The following ARFGAP1 variants were observed in gnomAD, a reference collection of about 807,000 sequenced individuals.
The protein encoded by ARFGAP1 is ARF GTPase activating protein 1, also known as ADP-ribosylation factor GTPase-activating protein 1.
A neutral mutation model predicts 54.0 loss-of-function variants in ARFGAP1; 26 were observed. The ratio of observed to expected loss-of-function variants is 0.48; its 90% CI spans 0.35 to 0.67. The LOEUF (loss-of-function observed/expected upper bound fraction) is 0.67. ARFGAP1 is among the 30% of genes least tolerant of loss of function. The pLI is 0.00. For synonymous variants in ARFGAP1, 248 were observed against 211.9 expected (o/e 1.17, Z -1.48); for missense variants, 525 against 535.8 (o/e 0.98, Z 0.20).
Position 63,276,702 on chromosome 20 carries a change from G to T in ARFGAP1, c.342+51G>T. On this transcript the variant is annotated intron_variant, in intron 4 of 12. Coordinates refer to ENST00000370283, the MANE Select transcript of ARFGAP1 (RefSeq NM_018209.4). The surrounding 1 kb of genome is among the most constrained non-coding windows in gnomAD (Gnocchi z 5.2). ...GCCCATGGTGTGGGGCTGCCCTGCCGTTTGTGGCAGCTGGACTGTGGCCTT... is the reference window on the plus strand; with the variant it reads ...GCCCATGGTGTGGGGCTGCCCTGCCTTTTGTGGCAGCTGGACTGTGGCCTT... 1 of 1,542,248 alleles carries T rather than the reference G, an allele frequency of 6.5e-7. No homozygotes were observed. The highest frequency in any genetic ancestry group is 2.3e-5 in the East Asian group (1 of 44,040).
intron 6 of ARFGAP1, 197 bp from the exon 7 acceptor site, chr20:63,278,702 A>T (rs913825033): frequency 1.4e-5 from 8 of 584,682 alleles, no homozygotes; most frequent in South Asian, 2.1e-5. Flanking sequence ...CCCTGTGGTG[A>T]TGTGGCAGGA....
intron 4 of ARFGAP1, 58 bp from the exon 5 acceptor site, chr20:63,277,147 G>A: frequency 6.7e-7 from 1 of 1,494,420 alleles, no homozygotes; most frequent in Non-Finnish European, 9.2e-7. Context: ...AGTCGACGGT[G>A]CCCGAGGGCA....
intron 1 of ARFGAP1, among the ~76,000 whole-genome samples, chr20:63,275,122 G>A (rs375441014): frequency 4.6e-5 from 7 of 152,230 alleles, no homozygotes; most frequent in South Asian, 2.1e-4. Context: ...AGGGTGGAGC[G>A]CAGAGTCCCT....
chr20:63,277,289 C>T lies in ARFGAP1; in HGVS notation c.427C>T (p.Pro143Ser), dbSNP rs756677561. The change falls in exon 5 of 13, where the codon CCG becomes TCG. Residue 143 changes from proline (P) to serine (S), a missense_variant. Pro to Ser is a moderately conservative substitution (Grantham distance 74, BLOSUM62 -1). Coordinates refer to ENST00000370283, the MANE Select transcript of ARFGAP1 (RefSeq NM_018209.4). ...GACCCCACCTCAGCCCAGGACGCTG[C>T]CGTCCATGGTGCACCGGTAGCTGCT... ...NWTPPQPRTL[P>S]SMVHRVSGQP... The T allele has an allele frequency of 1.5e-4, 234 of 1,612,548 alleles. No homozygotes were observed. The highest frequency in any genetic ancestry group is 1.9e-4 in the Non-Finnish European group (228 of 1,179,858).
Position 63,287,768 on chromosome 20 carries a change from C to CAACAGG in ARFGAP1, c.1122_1127dup (p.Arg374_Asn375dup). ...GGGAGGTGTGGGGCTCGGCCTCCAC[C>CAACAGG]AACAGGAACAGCAACAGCGACGGCG... is the stretch of plus-strand genomic sequence containing the variant. On this transcript the variant is annotated inframe_insertion, in exon 13 of 13. Transcript: ENST00000370283. 2 of 1,599,902 alleles carry CAACAGG rather than the reference C, an allele frequency of 1.3e-6. No homozygotes were observed. Among genetic ancestry groups the CAACAGG allele is most frequent in the South Asian group, 2.2e-5 (2 of 90,328 alleles).
rs775378743 is a variant in ARFGAP1 at position 63,275,657 on chromosome 20, C to T, written c.60+17C>T. 13 of 1,611,326 alleles carry T rather than the reference C, an allele frequency of 8.1e-6. No homozygotes were observed. Among genetic ancestry groups the T allele is most frequent in the Non-Finnish European group, 1.1e-5 (13 of 1,177,890 alleles). On this transcript the variant is annotated intron_variant, in intron 2 of 12. Transcript: ENST00000370283. ...GAGAACAACGTAAGCCTCTGCCCCC[C>T]ACCCCCCGCCCTAAGGCTTGGTCAG...
chr20:63,276,236 T>C lies in ARFGAP1; in HGVS notation c.170+36T>C, dbSNP rs776534833. 2.1e-5 allele frequency: 33 copies of C among 1,600,382 alleles called. No homozygotes were observed. Among genetic ancestry groups the C allele is most frequent in the Non-Finnish European group, 2.4e-5 (28 of 1,168,548 alleles). On this transcript the variant is annotated intron_variant, in intron 3 of 12. Coordinates refer to ENST00000370283, the MANE Select transcript of ARFGAP1 (RefSeq NM_018209.4). The surrounding 1 kb of genome is among the most constrained non-coding windows in gnomAD (Gnocchi z 5.2). Reference sequence around the variant, plus strand: ...TGCCGCTCTGGCTCTGCGGAGAGCCTGCGGCCACCCCAGCATCTGTTCCTG... The same window carrying C: ...TGCCGCTCTGGCTCTGCGGAGAGCCCGCGGCCACCCCAGCATCTGTTCCTG...
intron 12 of ARFGAP1, among the ~76,000 whole-genome samples, chr20:63,287,214 C>T (rs1568746113): frequency 6.6e-6 from 1 of 152,254 alleles, no homozygotes; most frequent in African/African-American, 2.4e-5. Context: ...GGGCGTCGCT[C>T]GGGAGGGCCT....
rs1008202432 is a variant in ARFGAP1 at position 63,288,645 on chromosome 20, C to T, written c.*772C>T. 7.7e-6 allele frequency: 3 copies of T among 390,276 alleles called. No individual in the cohort carries two copies. The highest frequency in any genetic ancestry group is 3.7e-5 in the South Asian group (2 of 54,758). 24.2% of individuals were successfully genotyped at this position (390,276 alleles called of 1,614,324 possible). A position where few individuals can be genotyped will look rare whatever the true frequency, so the allele number is the denominator to read the frequency against. ...GCCCTGATGCAGGAGGGTGCGATAG[C>T]GGACGTGGCCAGGCAGGAGGGGCCG... On this transcript the variant is annotated 3_prime_UTR_variant, in exon 13 of 13. Coordinates refer to ENST00000370283, the MANE Select transcript of ARFGAP1 (RefSeq NM_018209.4).
rs2067228686 is a variant in ARFGAP1, at chr20:63,276,067, G to A, written c.61-24G>A. ...TGGGCTCTGCCCTGAGCCACCTGGTGAGTCACTTGTGGCCCCTTTGCAGGT... is the reference window on the plus strand; with the variant it reads ...TGGGCTCTGCCCTGAGCCACCTGGTAAGTCACTTGTGGCCCCTTTGCAGGT... On this transcript the variant is annotated intron_variant, in intron 2 of 12. Transcript: ENST00000370283. This position sits in a 1 kb window ranked among gnomAD's most constrained non-coding sequence, Gnocchi z 5.2. 6.2e-7 allele frequency: 1 copy of A among 1,607,314 alleles called. No homozygotes were observed. The highest frequency in any genetic ancestry group is 8.5e-7 in the Non-Finnish European group (1 of 1,174,266).
In ARFGAP1 at chr20:63,277,371, C is replaced by G. The variant is rs186632560; in HGVS notation, c.443+66C>G. The G allele has an allele frequency of 3.5e-5, 48 of 1,360,344 alleles. No individual in the cohort carries two copies. In the African/African-American group the frequency reaches 6.4e-4, roughly 18 times the overall value. 84.3% of individuals were successfully genotyped at this position (1,360,344 alleles called of 1,614,324 possible). The stretch of plus-strand genomic sequence containing the variant: ...GTCCTGAACTTAGTAGATTGGGTTT[C>G]CCACAGAATTCTCCCCTTCTTTGCT... On this transcript the variant is annotated intron_variant, in intron 5 of 12. Coordinates refer to ENST00000370283, the MANE Select transcript of ARFGAP1 (RefSeq NM_018209.4).
chr20:63,282,683 T>C (rs1158104373), intron 8 of ARFGAP1, 136 bp from the exon 9 acceptor site: 9 of 804,602 alleles, frequency 1.1e-5, no homozygotes, highest in East Asian at 5.1e-5. Context: ...CTCAGAGTTA[T>C]AGGGCCCGCC....
At position 63,282,687 on chromosome 20, in the gene ARFGAP1, G is replaced by A. The variant is rs1312051939; in HGVS notation, c.685-132G>A. 7 of 835,362 alleles carry A rather than the reference G, an allele frequency of 8.4e-6. No individual in the cohort carries two copies. The East Asian group carries it at 1.8e-4, about 21-fold the overall frequency. The allele number at this position is 835,362 out of a possible 1,614,324, so 51.7% of individuals were successfully genotyped here. A position where few individuals can be genotyped will look rare whatever the true frequency, so the allele number is the denominator to read the frequency against. On this transcript the variant is annotated intron_variant, in intron 8 of 12. Transcript: ENST00000370283. ...CTTCTGGGCATCTCAGAGTTATAGGGCCCGCCCAGAGCCGCTGGCAGCCCG... is the reference window on the plus strand; with the variant it reads ...CTTCTGGGCATCTCAGAGTTATAGGACCCGCCCAGAGCCGCTGGCAGCCCG...
chr20:63,277,485 C>T (rs2067264299), intron 5 of ARFGAP1, among the ~76,000 whole-genome samples, 180 bp downstream of exon 5: 1 of 152,208 alleles, frequency 6.6e-6, no homozygotes, highest in Non-Finnish European at 1.5e-5. Flanking sequence ...AATTTAGACA[C>T]CCATAGAGCT....
At chr20:63,274,332 C>T (rs945441537) in intron 1 of ARFGAP1, 1 of 88,870 alleles carries the variant, frequency 1.1e-5, no homozygotes, top group African/African-American at 3.3e-5. Context: ...CCCCCCCGCC[C>T]AGTGAATATC....
intron 9 of ARFGAP1, chr20:63,284,350 A>G (rs1244133413): frequency 2.8e-6 from 3 of 1,071,538 alleles, no homozygotes; most frequent in South Asian, 6.6e-5. Flanking sequence ...GAGGCCTCAC[A>G]CCACATCCCC....
At chr20:63,285,565 T>C in intron 10 of ARFGAP1, 89 bp from the exon 11 acceptor site, 1 of 1,382,946 alleles carries the variant, frequency 7.2e-7, no homozygotes. Flanking sequence ...ATATTTCGGA[T>C]GCCCTCACCC....
chr20:63,283,595 C>T (rs764050774), intron 9 of ARFGAP1: 36 of 502,578 alleles, frequency 7.2e-5, no homozygotes, highest in Non-Finnish European at 1.2e-4. Context: ...ACGTGCCCAC[C>T]CCCAGCTGCA....
intron 8 of ARFGAP1, 23 bp from the exon 9 acceptor site, chr20:63,282,796 C>G: frequency 6.2e-7 from 1 of 1,613,996 alleles, no homozygotes; most frequent in African/African-American, 1.3e-5. Context: ...TCTGTCAAGC[C>G]TTGTCTTTGT....
Sources: allele counts gnomAD v4.1 joint callset (sites outside exome capture counted in the v4.1 genomes callset), GRCh38; gene constraint gnomAD v4.1.1; non-coding constraint Gnocchi (gnomAD v3.1); transcripts MANE v1.5; gene names NCBI Gene and HGNC (gene_info 2026-07-23, HGNC 2026-07-21).